The following RTN4 variants were observed in gnomAD, a reference collection of about 807,000 sequenced individuals.
RTN4 encodes reticulon-4.
Under a neutral mutation model 90.4 loss-of-function variants are expected in RTN4, and 32 were observed. The observed-to-expected ratio is 0.35, with a 90% CI of 0.27 to 0.48. The LOEUF is 0.48. RTN4 is among the 20% of genes least tolerant of loss of function. RTN4 has a pLI of 0.99. For missense variants in RTN4, 1,706 were observed against 1,430.2 expected (o/e 1.19, Z -3.11); for synonymous variants, 629 against 552.5 (o/e 1.14, Z -1.94).
chr2:55,108,442 C>A (rs761772270), intron 1 of RTN4, among the ~76,000 whole-genome samples: 20 of 151,970 alleles, frequency 1.3e-4, no homozygotes, highest in Non-Finnish European at 2.8e-4. Context: ...GGGGATGGGC[C>A]TGGAATTCCA....
At chr2:55,109,765 T>A (rs1026345828) in intron 1 of RTN4, among the ~76,000 whole-genome samples, 2 of 152,194 alleles carry the variant, frequency 1.3e-5, no homozygotes, top group Non-Finnish European at 2.9e-5. Flanking sequence ...GAGTGCCCTT[T>A]GGCAAACAGG....
intron 1 of RTN4, among the ~76,000 whole-genome samples, chr2:55,045,375 T>G (rs1683352652): frequency 6.6e-6 from 1 of 152,204 alleles, no homozygotes; most frequent in African/African-American, 2.4e-5. Flanking sequence ...AAAGCGTGCT[T>G]CTTATACTCT....
the RTN4 span, among the ~76,000 whole-genome samples, chr2:55,119,979 C>G: frequency 6.6e-6 from 1 of 152,194 alleles, no homozygotes; most frequent in Non-Finnish European, 1.5e-5. Flanking sequence ...TCCATTTGCT[C>G]CCATGAACTG....
At chr2:55,006,060 T>A (rs1048673731) in intron 3 of RTN4, among the ~76,000 whole-genome samples, 1 of 152,152 alleles carries the variant, frequency 6.6e-6, no homozygotes, top group African/African-American at 2.4e-5. Flanking sequence ...TAGCGTACAG[T>A]ATTTAAAAAA....
At chr2:55,119,777 T>C in the RTN4 span, among the ~76,000 whole-genome samples, 45 of 152,268 alleles carry the variant, frequency 3.0e-4, no homozygotes, top group African/African-American at 1.0e-3. Flanking sequence ...GGCATGTGGT[T>C]TCCACAACCA....
chr2:55,033,407 G>C (rs1027111374), intron 1 of RTN4, among the ~76,000 whole-genome samples: 8 of 152,092 alleles, frequency 5.3e-5, no homozygotes, highest in Admixed American at 1.3e-4. Context: ...TAAATTTGTA[G>C]CCCCAAAATC....
chr2:55,072,625 T>C (rs1293343794), intron 2 of RTN4, among the ~76,000 whole-genome samples: 4 of 152,212 alleles, frequency 2.6e-5, no homozygotes, highest in Non-Finnish European at 5.9e-5. Flanking sequence ...ATAATAATTT[T>C]TTGAGCAATT....
chr2:55,092,171 C>T (rs1668950253), intron 1 of RTN4, among the ~76,000 whole-genome samples: 1 of 136,258 alleles, frequency 7.3e-6, no homozygotes, highest in African/African-American at 2.8e-5. Flanking sequence ...GCCTGGGTGA[C>T]AGAGTGAGAC....
chr2:55,015,895 T>C (rs1680998199), intron 3 of RTN4, among the ~76,000 whole-genome samples: 1 of 152,182 alleles, frequency 6.6e-6, no homozygotes, highest in African/African-American at 2.4e-5. Flanking sequence ...GGGTGTTTTC[T>C]TCTTCTGATA....
intron 2 of RTN4, among the ~76,000 whole-genome samples, chr2:55,066,193 T>TTGTGTGTGTG (rs57202019): frequency 1.1e-4 from 12 of 111,044 alleles, no homozygotes; most frequent in South Asian, 2.8e-4. Flanking sequence ...GTGTGTGTGT[T>TTGTGTGTGTG]TGTGTGTGTG....
intron 3 of RTN4, among the ~76,000 whole-genome samples, chr2:55,004,893 G>T (rs1390774751): frequency 6.6e-6 from 1 of 152,118 alleles, no homozygotes; most frequent in Non-Finnish European, 1.5e-5. Context: ...CGAGAGATGG[G>T]AGTGAGGAAC....
At chr2:55,038,763 C>G (rs1682863392) in intron 1 of RTN4, among the ~76,000 whole-genome samples, 1 of 152,054 alleles carries the variant, frequency 6.6e-6, no homozygotes, top group African/African-American at 2.4e-5. Flanking sequence ...AAGTATTTAC[C>G]TAAGAGAAAT....
chr2:55,102,305 G>T (rs771975403), intron 1 of RTN4, among the ~76,000 whole-genome samples: 1 of 152,072 alleles, frequency 6.6e-6, no homozygotes, highest in Non-Finnish European at 1.5e-5. Context: ...TTTAGGCCAG[G>T]GGGTAGCAAA....
chr2:55,069,916 T>G (rs1668456739), intron 2 of RTN4, among the ~76,000 whole-genome samples: 1 of 152,036 alleles, frequency 6.6e-6, no homozygotes, highest in South Asian at 2.1e-4. Context: ...TGATGACAAC[T>G]GGGGAAAGGA....
At chr2:55,086,250 G>A (rs1371734483) in intron 1 of RTN4, among the ~76,000 whole-genome samples, 2 of 152,170 alleles carry the variant, frequency 1.3e-5, no homozygotes, top group African/African-American at 4.8e-5. Context: ...GTAGTGTTTA[G>A]TTTTGTTTTT....
At chr2:55,056,515 C>G (rs1282612714) in intron 2 of RTN4, 2 of 151,898 alleles carry the variant, frequency 1.3e-5, no homozygotes, top group Admixed American at 1.3e-4. Flanking sequence ...CACTTGAGGT[C>G]AGGAGTTCGG....
intron 2 of RTN4, among the ~76,000 whole-genome samples, chr2:55,076,833 T>C (rs778505635): frequency 4.6e-5 from 7 of 152,082 alleles, no homozygotes; most frequent in Admixed American, 6.6e-5. Context: ...GATCTGATGG[T>C]TTTAAAAGGG....
the RTN4 span, among the ~76,000 whole-genome samples, chr2:55,126,972 T>C: frequency 7.2e-5 from 11 of 151,978 alleles, no homozygotes; most frequent in African/African-American, 2.7e-4. Context: ...TAATAACTTA[T>C]GAACATGAAG....
intron 1 of RTN4, among the ~76,000 whole-genome samples, chr2:55,094,156 C>A (rs769963795): frequency 1.3e-5 from 2 of 152,042 alleles, no homozygotes; most frequent in African/African-American, 4.8e-5. Flanking sequence ...TTAGATGAGG[C>A]CCTGAGAGTA....
Sources: allele counts gnomAD v4.1 joint callset (sites outside exome capture counted in the v4.1 genomes callset), GRCh38; gene constraint gnomAD v4.1.1; transcripts MANE v1.5; gene names NCBI Gene and HGNC (gene_info 2026-07-23, HGNC 2026-07-21).